AFG2A: variants seen among roughly 807,000 people sequenced by gnomAD.
The protein encoded by AFG2A is ATPase family gene 2 protein homolog A.
the AFG2A span, among the ~76,000 whole-genome samples, chr4:123,016,827 G>A: frequency 6.6e-6 from 1 of 152,188 alleles, no homozygotes; most frequent in Admixed American, 6.5e-5. Context: ...TCCAGCCTGG[G>A]CACCATTGAG....
the AFG2A span, among the ~76,000 whole-genome samples, chr4:123,094,922 C>A: frequency 6.6e-6 from 1 of 151,154 alleles, no homozygotes; most frequent in African/African-American, 2.4e-5. Context: ...GACCTTGTGA[C>A]CTGTCCTACA....
At chr4:123,302,690 C>T in the AFG2A span, among the ~76,000 whole-genome samples, 43 of 151,990 alleles carry the variant, frequency 2.8e-4, 1 homozygote, top group South Asian at 8.7e-3. Flanking sequence ...TATGGAATTT[C>T]TGTGCTAGGA....
chr4:123,197,770 A>AAAGTAAAT, the AFG2A span, among the ~76,000 whole-genome samples: 1 of 149,400 alleles, frequency 6.7e-6, no homozygotes, highest in Non-Finnish European at 1.5e-5. Flanking sequence ...TCCATCTCAA[A>AAAGTAAAT]AAATAAATAA....
chr4:123,218,916 A>G, the AFG2A span, among the ~76,000 whole-genome samples: 1 of 152,238 alleles, frequency 6.6e-6, no homozygotes, highest in Non-Finnish European at 1.5e-5. Context: ...TAAATCTATT[A>G]CAAAAGTGAA....
At chr4:123,107,977 A>G in the AFG2A span, among the ~76,000 whole-genome samples, 1 of 152,172 alleles carries the variant, frequency 6.6e-6, no homozygotes, top group Non-Finnish European at 1.5e-5. Flanking sequence ...CCAGGCCCCC[A>G]AGAACACAAG....
At chr4:123,050,739 CTTT>C in the AFG2A span, among the ~76,000 whole-genome samples, 1 of 140,286 alleles carries the variant, frequency 7.1e-6, no homozygotes. Flanking sequence ...ATAGTTGTGT[CTTT>C]TTTTTTTTTT....
At chr4:123,292,304 A>G in the AFG2A span, among the ~76,000 whole-genome samples, 1 of 152,016 alleles carries the variant, frequency 6.6e-6, no homozygotes, top group Admixed American at 6.6e-5. Context: ...TTGGTTTTCA[A>G]TTTTCTCTTG....
the AFG2A span, among the ~76,000 whole-genome samples, chr4:122,952,471 G>A: frequency 1.1e-4 from 16 of 152,174 alleles, no homozygotes; most frequent in Non-Finnish European, 1.5e-4. Flanking sequence ...CATACCCTAG[G>A]AGTCCTAAGA....
chr4:123,232,611 C>A, the AFG2A span, among the ~76,000 whole-genome samples: 1 of 152,098 alleles, frequency 6.6e-6, no homozygotes, highest in East Asian at 1.9e-4. Flanking sequence ...TTAAACAATT[C>A]TTTAGCTATG....
the AFG2A span, among the ~76,000 whole-genome samples, chr4:123,160,769 C>G: frequency 6.6e-6 from 1 of 151,952 alleles, no homozygotes; most frequent in African/African-American, 2.4e-5. Flanking sequence ...ATTCCAAGAC[C>G]CCCAGTGGAT....
chr4:123,154,976 C>T, the AFG2A span, among the ~76,000 whole-genome samples: 1 of 151,964 alleles, frequency 6.6e-6, no homozygotes, highest in Non-Finnish European at 1.5e-5. Flanking sequence ...TCCCTCTTTC[C>T]CTCTTTTCTT....
chr4:123,045,153 G>A, the AFG2A span, among the ~76,000 whole-genome samples: 24,574 of 148,176 alleles, frequency 0.17, 2,450 homozygotes, highest in East Asian at 0.46. Context: ...TTTCTCCAAT[G>A]TTTTTATATT....
chr4:123,116,540 A>G, the AFG2A span, among the ~76,000 whole-genome samples: 11 of 152,208 alleles, frequency 7.2e-5, no homozygotes, highest in Non-Finnish European at 1.5e-4. Flanking sequence ...CTGACCCACA[A>G]TGAAACATTG....
At chr4:122,964,144 G>T in the AFG2A span, among the ~76,000 whole-genome samples, 1 of 152,088 alleles carries the variant, frequency 6.6e-6, no homozygotes, top group Non-Finnish European at 1.5e-5. Flanking sequence ...CTGTATTTAG[G>T]GCAGTTTGAA....
the AFG2A span, among the ~76,000 whole-genome samples, chr4:123,067,246 C>T: frequency 2.6e-5 from 4 of 152,128 alleles, no homozygotes; most frequent in South Asian, 2.1e-4. Context: ...AGGCTGGGCA[C>T]GGTGACTCAC....
chr4:123,177,097 A>G, the AFG2A span, among the ~76,000 whole-genome samples: 2 of 152,146 alleles, frequency 1.3e-5, no homozygotes, highest in Non-Finnish European at 2.9e-5. Flanking sequence ...ATTATATCTT[A>G]AGGAAAAGAT....
At chr4:123,228,191 T>C in the AFG2A span, among the ~76,000 whole-genome samples, 1 of 152,158 alleles carries the variant, frequency 6.6e-6, no homozygotes, top group South Asian at 2.1e-4. Flanking sequence ...AGTCCGTGTA[T>C]TTTAATTGGA....
the AFG2A span, among the ~76,000 whole-genome samples, chr4:122,996,124 C>A: frequency 6.6e-6 from 1 of 152,204 alleles, no homozygotes; most frequent in Non-Finnish European, 1.5e-5. Context: ...TCCTTTTCCA[C>A]TTGCATCTCA....
the AFG2A span, among the ~76,000 whole-genome samples, chr4:123,103,477 G>A: frequency 2.6e-5 from 4 of 152,136 alleles, no homozygotes; most frequent in East Asian, 7.7e-4. Flanking sequence ...GTTTAATTGT[G>A]CAAGTTTAGA....
Sources: gnomAD v4.1 joint callset for allele counts (sites outside exome capture counted in the v4.1 genomes callset) on GRCh38, gnomAD v4.1.1 for gene constraint, MANE v1.5 for transcripts, NCBI Gene and HGNC (gene_info 2026-07-23, HGNC 2026-07-21) for gene names.